INPP5A: variants seen among roughly 807,000 people sequenced by gnomAD.
INPP5A encodes the protein 43 kDa inositol polyphosphate 5-phophatase.
A neutral mutation model predicts 65.2 loss-of-function variants in INPP5A; 14 were observed. The ratio of observed to expected loss-of-function variants is 0.21; its 90% CI spans 0.14 to 0.34. INPP5A has a LOEUF of 0.34. INPP5A is among the 10% of genes least tolerant of loss of function. INPP5A has a pLI of 1.00. For missense variants in INPP5A, 431 were observed against 545.6 expected (o/e 0.79, Z 2.09); for synonymous variants, 207 against 208.3 (o/e 0.99, Z 0.05).
chr10:132,579,079 C>T (rs2071447085), intron 1 of INPP5A, among the ~76,000 whole-genome samples: 1 of 152,186 alleles, frequency 6.6e-6, no homozygotes, highest in Admixed American at 6.5e-5. Context: ...CCTGATGCCC[C>T]TTTGTGTGGC....
chr10:132,708,054 G>A (rs991077656), intron 6 of INPP5A, among the ~76,000 whole-genome samples: 21 of 152,348 alleles, frequency 1.4e-4, no homozygotes, highest in African/African-American at 5.1e-4. Context: ...ACAGGCGGCA[G>A]GCTGGCACGT....
chr10:132,781,727 C>T (rs940005809), intron 14 of INPP5A, 134 bp from the exon 15 acceptor site: 12 of 742,834 alleles, frequency 1.6e-5, no homozygotes, highest in Non-Finnish European at 2.3e-5. Context: ...CCTCTGCTGG[C>T]CATCAGCTCC....
chr10:132,657,375 C>T (rs1229871570), intron 4 of INPP5A, among the ~76,000 whole-genome samples: 1 of 152,234 alleles, frequency 6.6e-6, no homozygotes, highest in East Asian at 1.9e-4. Context: ...TTTCCAGGGG[C>T]TCTGGCCTCC....
chr10:132,586,118 C>A (rs771629648), intron 1 of INPP5A, among the ~76,000 whole-genome samples: 6 of 152,086 alleles, frequency 3.9e-5, no homozygotes. Context: ...TCTGGAGACC[C>A]GGGCAGAGAC....
chr10:132,676,580 G>A lies in INPP5A; in HGVS notation c.307-13812G>A, dbSNP rs113592729. 2.8e-3 allele frequency among the ~76,000 whole-genome samples: 421 copies of A among 152,276 alleles called. 4 individuals carry two copies. Among genetic ancestry groups the A allele is most frequent in the African/African-American group, 9.8e-3 (407 of 41,552 alleles). On this transcript the variant is annotated intron_variant, in intron 4 of 15. Transcript: ENST00000368594. This position sits in a 1 kb window ranked among gnomAD's most constrained non-coding sequence, Gnocchi z 4.0. ...CACAAGCAGGTGACTGTGTGGGACA[G>A]GGCTGCCCAAACCGCCGCTGGCCTA...
At position 132,698,086 on chromosome 10, in the gene INPP5A, G is replaced by A. The variant is rs1049801064; in HGVS notation, c.474+167G>A. Reference sequence around the variant, plus strand: ...AGTCCAGGCTTCTGTGGTTGGTCTGGGCTGTCACACGTAAGGGCAGTGAGA... The same window carrying A: ...AGTCCAGGCTTCTGTGGTTGGTCTGAGCTGTCACACGTAAGGGCAGTGAGA... On this transcript the variant is annotated intron_variant, in intron 6 of 15. Coordinates refer to ENST00000368594, the MANE Select transcript of INPP5A (RefSeq NM_005539.5). The surrounding 1 kb of genome is among the most constrained non-coding windows in gnomAD (Gnocchi z 5.5). 2.0e-5 allele frequency among the ~76,000 whole-genome samples: 3 copies of A among 152,186 alleles called. No homozygotes were observed. The highest frequency in any genetic ancestry group is 4.4e-5 in the Non-Finnish European group (3 of 68,038).
chr10:132,592,193 G>A (rs758799970), intron 1 of INPP5A, among the ~76,000 whole-genome samples: 3 of 152,092 alleles, frequency 2.0e-5, no homozygotes, highest in South Asian at 2.1e-4. Context: ...TAAGGAAATG[G>A]CAACAGTTTG....
Position 132,555,197 on chromosome 10 carries a change from G to A in INPP5A, c.75+17026G>A, listed in dbSNP as rs1465160625. Among the ~76,000 whole-genome samples the A allele has an allele frequency of 6.6e-6, 1 of 151,924 alleles. No homozygotes were observed. Among genetic ancestry groups the A allele is most frequent in the Admixed American group, 6.6e-5 (1 of 15,244 alleles). Reference sequence around the variant, plus strand: ...GGGGGGGTGTGGATGGCAAGCGGCAGGACCAGGTGCTGCAGGCTGGGTGGT... The same window carrying A: ...GGGGGGGTGTGGATGGCAAGCGGCAAGACCAGGTGCTGCAGGCTGGGTGGT... On this transcript the variant is annotated intron_variant, in intron 1 of 15. Transcript: ENST00000368594. The surrounding 1 kb of genome is among the most constrained non-coding windows in gnomAD (Gnocchi z 4.4).
chr10:132,631,518 G>C (rs2072272753), intron 2 of INPP5A, among the ~76,000 whole-genome samples: 1 of 152,248 alleles, frequency 6.6e-6, no homozygotes, highest in African/African-American at 2.4e-5. Context: ...TTGGCATGGG[G>C]CTTCCACTGG....
chr10:132,684,291 A>G (rs2073088115), intron 4 of INPP5A, among the ~76,000 whole-genome samples: 1 of 152,160 alleles, frequency 6.6e-6, no homozygotes, highest in Non-Finnish European at 1.5e-5. Flanking sequence ...GTCATATGCC[A>G]TTGTATTCTC....
chr10:132,597,129 G>A (rs1006826487), intron 1 of INPP5A, among the ~76,000 whole-genome samples: 5 of 152,316 alleles, frequency 3.3e-5, no homozygotes, highest in African/African-American at 9.6e-5. Flanking sequence ...GTATGTGCAC[G>A]TGTGCATGTG....
Position 132,745,880 on chromosome 10 carries a change from G to A in INPP5A, c.733-3637G>A, listed in dbSNP as rs546054004. Among the ~76,000 whole-genome samples, 8 of 152,144 alleles carry A rather than the reference G, an allele frequency of 5.3e-5. No homozygotes were observed. In the East Asian group the frequency reaches 5.8e-4, roughly 11 times the overall value. On this transcript the variant is annotated intron_variant, in intron 9 of 15. Transcript: ENST00000368594. ...TGGTGGCCTCGGGTGTGGTGGGCCC[G>A]GGTGTGGTGGCCCCCGAGGAGGAGT...
At chr10:132,580,094 C>T (rs111852131) in intron 1 of INPP5A, among the ~76,000 whole-genome samples, 1 of 151,970 alleles carries the variant, frequency 6.6e-6, no homozygotes, top group African/African-American at 2.4e-5. Flanking sequence ...CAGAAGGTTC[C>T]AGGGGCTGCA....
intron 4 of INPP5A, among the ~76,000 whole-genome samples, chr10:132,669,582 C>T (rs1028471521): frequency 5.9e-5 from 9 of 152,336 alleles, no homozygotes; most frequent in African/African-American, 1.9e-4. Flanking sequence ...TTAGCTGCGT[C>T]CTTGAAAGTG....
intron 2 of INPP5A, among the ~76,000 whole-genome samples, chr10:132,633,550 G>A (rs1302880412): frequency 6.6e-6 from 1 of 152,146 alleles, no homozygotes; most frequent in Non-Finnish European, 1.5e-5. Context: ...CTCCAGAGCT[G>A]GCAAACAGAA....
chr10:132,638,028 T>C (rs1009392671), intron 2 of INPP5A, among the ~76,000 whole-genome samples: 7 of 152,156 alleles, frequency 4.6e-5, no homozygotes, highest in Middle Eastern at 3.2e-3. Context: ...TCCAAGTGCA[T>C]TCGCTGGCTT....
chr10:132,630,062 C>T (rs563169090), intron 2 of INPP5A, among the ~76,000 whole-genome samples: 15 of 151,760 alleles, frequency 9.9e-5, no homozygotes, highest in Admixed American at 8.5e-4. Flanking sequence ...AGGGCGTCCT[C>T]GAGGATAGGG....
At chr10:132,642,299 C>T (rs996614642) in intron 2 of INPP5A, among the ~76,000 whole-genome samples, 5 of 152,198 alleles carry the variant, frequency 3.3e-5, no homozygotes, top group Admixed American at 6.5e-5. Flanking sequence ...CAGTGTCCGG[C>T]GGGCTGGGGA....
chr10:132,712,094 G>A (rs577321926), intron 8 of INPP5A, among the ~76,000 whole-genome samples: 3 of 152,352 alleles, frequency 2.0e-5, no homozygotes, highest in African/African-American at 4.8e-5. Flanking sequence ...CAAGACCCAC[G>A]TCCTGAGGGG....
Sources: allele counts gnomAD v4.1 joint callset (sites outside exome capture counted in the v4.1 genomes callset), GRCh38; gene constraint gnomAD v4.1.1; non-coding constraint Gnocchi (gnomAD v3.1); transcripts MANE v1.5; gene names NCBI Gene and HGNC (gene_info 2026-07-23, HGNC 2026-07-21).